Variants in RSF1 observed in about 807,000 individuals in gnomAD.
The protein encoded by RSF1 is remodeling and spacing factor 1.
In RSF1, 13 loss-of-function variants were observed where a neutral mutation model predicts 145.2. That is an observed-to-expected ratio of 0.09 (90% CI 0.06 to 0.14). The LOEUF (loss-of-function observed/expected upper bound fraction) is 0.14. Among genes scored for constraint, RSF1 ranks in the 10% least tolerant of loss-of-function variants. RSF1 has a pLI of 1.00. For missense variants in RSF1, 1,517 were observed against 1,718.2 expected (o/e 0.88, Z 2.07); for synonymous variants, 577 against 592.6 (o/e 0.97, Z 0.38).
the RSF1 span, chr11:77,842,513 T>A: frequency 6.2e-7 from 1 of 1,613,894 alleles, no homozygotes; most frequent in Non-Finnish European, 8.5e-7. Flanking sequence ...TCCCCTGAAA[T>A]TGCTTCCTTA....
At chr11:77,680,324 T>C (rs1959824336) in intron 11 of RSF1, among the ~76,000 whole-genome samples, 1 of 152,018 alleles carries the variant, frequency 6.6e-6, no homozygotes, top group African/African-American at 2.4e-5. Flanking sequence ...CCTGTAGTCC[T>C]AGCACTCTGG....
chr11:77,735,159 G>T (rs1219903812), intron 4 of RSF1: 20 of 701,512 alleles, frequency 2.9e-5, no homozygotes, highest in South Asian at 4.5e-5. Flanking sequence ...CGGCTGGGGT[G>T]GGGGACGAGC....
intron 1 of RSF1, among the ~76,000 whole-genome samples, chr11:77,776,546 T>C (rs1948344331): frequency 6.6e-6 from 1 of 152,126 alleles, no homozygotes; most frequent in Admixed American, 6.5e-5. Flanking sequence ...GAGCTCATTA[T>C]AGTTTCTAGT....
At position 77,665,584 on chromosome 11, in the gene RSF1, A is replaced by G. The variant is rs905728010; in HGVS notation, c.*1333T>C. On this transcript the variant is annotated 3_prime_UTR_variant, in exon 16 of 16. Coordinates refer to ENST00000308488, the MANE Select transcript of RSF1 (RefSeq NM_016578.4). Reference sequence around the variant, plus strand: ...TTCTTGAAACAAAGGGCTTTTCTTTAAAGTGTTGAGATGTTTGAAATGGAT... The same window carrying G: ...TTCTTGAAACAAAGGGCTTTTCTTTGAAGTGTTGAGATGTTTGAAATGGAT... The G allele has an allele frequency of 1.3e-5, 2 of 152,226 alleles. No homozygotes were observed. Among genetic ancestry groups the G allele is most frequent in the African/African-American group, 2.4e-5 (1 of 41,456 alleles). The allele number at this position is 152,226 out of a possible 1,614,324, so 9.4% of individuals were successfully genotyped here.
chr11:77,807,100 A>G (rs963423219), intron 1 of RSF1, among the ~76,000 whole-genome samples: 4 of 152,240 alleles, frequency 2.6e-5, no homozygotes, highest in Non-Finnish European at 5.9e-5. Context: ...CAAATCATTT[A>G]TAACTCCCAA....
rs1337975008 is a variant in RSF1 at position 77,814,889 on chromosome 11, G to GT, written c.187+5638_187+5639insA. Among the ~76,000 whole-genome samples, 12 of 148,980 alleles carry GT rather than the reference G, an allele frequency of 8.1e-5. No individual in the cohort carries two copies. The East Asian group carries it at 1.0e-3, about 12-fold the overall frequency. ...AGTGACTTGGAAACCCCCAAAATAT[G>GT]GTTTTTTTTTAATTTCAGTGCCTCC... On this transcript the variant is annotated intron_variant, in intron 1 of 15. Coordinates refer to ENST00000308488, the MANE Select transcript of RSF1 (RefSeq NM_016578.4).
chr11:77,753,495 G>A (rs780007001), intron 2 of RSF1, among the ~76,000 whole-genome samples: 124 of 152,324 alleles, frequency 8.1e-4, no homozygotes, highest in Non-Finnish European at 6.9e-4. Context: ...GCTAAGGTGT[G>A]CAAACTTGTC....
At chr11:77,731,557 G>A (rs888773400) in intron 4 of RSF1, among the ~76,000 whole-genome samples, 16 of 152,182 alleles carry the variant, frequency 1.1e-4, no homozygotes, top group African/African-American at 2.9e-4. Context: ...AGGTCTTCAC[G>A]GCAGCCCCTC....
intron 1 of RSF1, among the ~76,000 whole-genome samples, chr11:77,771,690 C>T (rs1439977831): frequency 6.6e-6 from 1 of 152,126 alleles, no homozygotes; most frequent in East Asian, 1.9e-4. Flanking sequence ...CAAAATTGTA[C>T]TAACGCTGAG....
chr11:77,755,704 C>T (rs545541743), intron 2 of RSF1, among the ~76,000 whole-genome samples: 2 of 152,084 alleles, frequency 1.3e-5, no homozygotes, highest in South Asian at 2.1e-4. Context: ...CTCAGCCTCC[C>T]GAGTAGCTGG....
Position 77,675,201 on chromosome 11 carries a change from GATCTTCTTCACTTTC to G in RSF1, c.3382_3396del (p.Glu1128_Asp1132del), listed in dbSNP as rs1959668875. On this transcript the variant is annotated inframe_deletion, in exon 14 of 16. Transcript: ENST00000308488. ...GTGTCACTGTCATCATTAGATGGCG[GATCTTCTTCACTTTC>G]ATCTGGGTTTTCATCAGACACAACA... 1 of 1,614,052 alleles carries G rather than the reference GATCTTCTTCACTTTC, an allele frequency of 6.2e-7. No homozygotes were observed. The highest frequency in any genetic ancestry group is 8.5e-7 in the Non-Finnish European group (1 of 1,180,008).
chr11:77,728,658 A>C (rs1961120300), intron 4 of RSF1, among the ~76,000 whole-genome samples: 1 of 151,998 alleles, frequency 6.6e-6, no homozygotes, highest in African/African-American at 2.4e-5. Flanking sequence ...AAGGGAAAGA[A>C]AGAGGCCACA....
chr11:77,798,198 C>T (rs1948591342), intron 1 of RSF1, among the ~76,000 whole-genome samples: 1 of 152,150 alleles, frequency 6.6e-6, no homozygotes, highest in South Asian at 2.1e-4. Context: ...ACTATAAAGA[C>T]ACATGAACAC....
upstream of RSF1, among the ~76,000 whole-genome samples, chr11:77,825,731 G>A (rs143258859): frequency 0.037 from 5,439 of 147,034 alleles, 301 homozygotes; most frequent in African/African-American, 0.12. Context: ...TCACTCTGTC[G>A]CCCTGGCTGG....
At chr11:77,815,486 A>G (rs1948772970) in intron 1 of RSF1, among the ~76,000 whole-genome samples, 2 of 152,226 alleles carry the variant, frequency 1.3e-5, no homozygotes, top group African/African-American at 4.8e-5. Flanking sequence ...TCTTCCTTGA[A>G]TACATGATTC....
chr11:77,785,949 A>AC (rs1948451840), intron 1 of RSF1, among the ~76,000 whole-genome samples: 1 of 148,062 alleles, frequency 6.8e-6, no homozygotes, highest in Non-Finnish European at 1.5e-5. Flanking sequence ...AAAAAAAAAA[A>AC]AAAAAGAATT....
chr11:77,675,794 C>T (rs1435591002), intron 13 of RSF1, among the ~76,000 whole-genome samples: 1 of 152,212 alleles, frequency 6.6e-6, no homozygotes, highest in Non-Finnish European at 1.5e-5. Context: ...AATATCTGGT[C>T]TCATTTCCCC....
At chr11:77,872,146 AC>A in the RSF1 span, 1 of 1,603,730 alleles carries the variant, frequency 6.2e-7, no homozygotes, top group Non-Finnish European at 8.5e-7. Context: ...CTTTCCCCCT[AC>A]TTACTCATCT....
Position 77,701,716 on chromosome 11 carries a change from C to T in RSF1, c.1513G>A (p.Glu505Lys). ...GCATCTTTCCTCAAAGGGGCTGTTT[C>T]TTTCTCAAGCTCACCTGTTTTCATA... ...TSMKTGELEK[E>K]TAPLRKDADS... Residue 505 changes from glutamate (E) to lysine (K), a missense_variant, in exon 6 of 16, where the codon GAA (glutamate) becomes AAA (lysine). This residue lies in a region of RSF1 where 579 missense variants were observed against 553.5 expected (regional missense o/e 1.05). Coordinates refer to ENST00000308488, the MANE Select transcript of RSF1 (RefSeq NM_016578.4). 1 of 1,613,622 alleles carries T rather than the reference C, an allele frequency of 6.2e-7. No homozygotes were observed. The highest frequency in any genetic ancestry group is 8.5e-7 in the Non-Finnish European group (1 of 1,179,940).
Sources: allele counts gnomAD v4.1 joint callset (sites outside exome capture counted in the v4.1 genomes callset), GRCh38; gene constraint gnomAD v4.1.1; regional missense constraint gnomAD v4.1.1; transcripts MANE v1.5; gene names NCBI Gene and HGNC (gene_info 2026-07-23, HGNC 2026-07-21).